TEAD1: variants seen among roughly 807,000 people sequenced by gnomAD.
The protein encoded by TEAD1 is transcriptional enhancer factor TEF-1.
A neutral mutation model predicts 54.9 loss-of-function variants in TEAD1; 9 were observed. That is an observed-to-expected ratio of 0.16 (90% CI 0.10 to 0.29). The LOEUF (loss-of-function observed/expected upper bound fraction) is 0.29, where lower values mean the gene tolerates loss of function less well. Ranked by LOEUF, TEAD1 falls within the 10% of genes least tolerant of loss-of-function variation. TEAD1 has a pLI of 1.00. For missense variants in TEAD1, 387 were observed against 535.9 expected (o/e 0.72, Z 2.74); for synonymous variants, 200 against 187.8 (o/e 1.07, Z -0.53).
intron 2 of TEAD1, among the ~76,000 whole-genome samples, chr11:12,708,870 A>G (rs565360125): frequency 3.9e-5 from 6 of 152,346 alleles, no homozygotes; most frequent in Admixed American, 2.0e-4. Context: ...CCTATTTTCA[A>G]TATATATGTG....
chr11:12,839,174 G>A (rs1256392519), intron 3 of TEAD1, among the ~76,000 whole-genome samples: 1 of 152,022 alleles, frequency 6.6e-6, no homozygotes, highest in Non-Finnish European at 1.5e-5. Context: ...ACTTTGGGAG[G>A]CAGAGGCCAG....
intron 2 of TEAD1, among the ~76,000 whole-genome samples, chr11:12,746,927 C>T (rs1467000921): frequency 1.3e-5 from 2 of 152,198 alleles, no homozygotes; most frequent in African/African-American, 4.8e-5. Context: ...CAGTGAAGAC[C>T]TCAGACTGTG....
chr11:12,884,388 C>T (rs1044279095), intron 9 of TEAD1, among the ~76,000 whole-genome samples: 2 of 152,196 alleles, frequency 1.3e-5, no homozygotes, highest in African/African-American at 2.4e-5. Flanking sequence ...TCTCATAAGT[C>T]CCATGCTGTC....
intron 9 of TEAD1, among the ~76,000 whole-genome samples, chr11:12,883,697 G>T (rs562991899): frequency 6.6e-6 from 1 of 152,248 alleles, no homozygotes; most frequent in South Asian, 2.1e-4. Flanking sequence ...ATAGCAAGTT[G>T]TTCTCTTCTT....
intron 3 of TEAD1, among the ~76,000 whole-genome samples, chr11:12,815,002 G>C (rs980051225): frequency 1.3e-5 from 2 of 152,128 alleles, no homozygotes; most frequent in Admixed American, 6.5e-5. Context: ...GGCCTGTAAT[G>C]GTTGCTGACT....
intron 12 of TEAD1, among the ~76,000 whole-genome samples, chr11:12,930,643 T>C (rs944334534): frequency 2.6e-5 from 4 of 152,166 alleles, no homozygotes; most frequent in African/African-American, 7.2e-5. Flanking sequence ...CTTTTAAACA[T>C]CCGGCTGTAT....
At chr11:12,835,030 G>C (rs1478594515) in intron 3 of TEAD1, among the ~76,000 whole-genome samples, 2 of 152,186 alleles carry the variant, frequency 1.3e-5, no homozygotes, top group Admixed American at 1.3e-4. Flanking sequence ...GCACAAGGCT[G>C]ACCATGTCTC....
At chr11:12,866,006 A>G (rs1020202313) in intron 5 of TEAD1, among the ~76,000 whole-genome samples, 1 of 152,292 alleles carries the variant, frequency 6.6e-6, no homozygotes, top group East Asian at 1.9e-4. Flanking sequence ...TTTTTTATGC[A>G]AACAAGGCTG....
chr11:12,676,984 C>A (rs1943106962), intron 2 of TEAD1, among the ~76,000 whole-genome samples: 1 of 149,758 alleles, frequency 6.7e-6, no homozygotes, highest in Non-Finnish European at 1.5e-5. Context: ...AATATTAGAA[C>A]TTTTTTTTTT....
At chr11:12,852,095 AAG>A (rs1469581074) in intron 3 of TEAD1, among the ~76,000 whole-genome samples, 1 of 152,192 alleles carries the variant, frequency 6.6e-6, no homozygotes, top group African/African-American at 2.4e-5. Context: ...AGAGAAGAGA[AAG>A]AACATGTAAG....
chr11:12,871,925 A>G (rs1179985419), intron 5 of TEAD1, among the ~76,000 whole-genome samples: 2 of 152,176 alleles, frequency 1.3e-5, no homozygotes, highest in Non-Finnish European at 2.9e-5. Context: ...AGTAGAGCAG[A>G]AAGAGACCTG....
chr11:12,843,363 G>C (rs970834469), intron 3 of TEAD1, among the ~76,000 whole-genome samples: 7 of 152,334 alleles, frequency 4.6e-5, no homozygotes, highest in African/African-American at 1.7e-4. Flanking sequence ...GAAGTGACAG[G>C]ACTTGTTCCC....
chr11:12,812,131 C>G (rs1318009768), intron 3 of TEAD1, among the ~76,000 whole-genome samples: 1 of 152,130 alleles, frequency 6.6e-6, no homozygotes, highest in African/African-American at 2.4e-5. Flanking sequence ...CTCAGAAACA[C>G]TGTCTTTATG....
At chr11:12,822,162 A>T (rs367624312) in intron 3 of TEAD1, among the ~76,000 whole-genome samples, 1 of 151,318 alleles carries the variant, frequency 6.6e-6, no homozygotes, top group Non-Finnish European at 1.5e-5. Flanking sequence ...ACAGGGTTTC[A>T]CCATGTTGGC....
At chr11:12,816,354 T>C (rs780014763) in intron 3 of TEAD1, among the ~76,000 whole-genome samples, 10 of 152,230 alleles carry the variant, frequency 6.6e-5, no homozygotes, top group Non-Finnish European at 1.0e-4. Flanking sequence ...TATACGCTCT[T>C]GTTGTCAGGA....
At chr11:12,711,428 C>G (rs1315645662) in intron 2 of TEAD1, among the ~76,000 whole-genome samples, 1 of 152,166 alleles carries the variant, frequency 6.6e-6, no homozygotes, top group East Asian at 1.9e-4. Context: ...GAGGTCAAAC[C>G]CTGGTCTTTT....
intron 2 of TEAD1, among the ~76,000 whole-genome samples, chr11:12,735,698 C>G (rs1282076620): frequency 6.6e-6 from 1 of 152,084 alleles, no homozygotes; most frequent in African/African-American, 2.4e-5. Context: ...CCCACCACCA[C>G]TCTGCTCCCC....
intron 3 of TEAD1, among the ~76,000 whole-genome samples, chr11:12,779,602 A>G (rs1322466692): frequency 2.0e-5 from 3 of 152,234 alleles, no homozygotes; most frequent in Admixed American, 6.5e-5. Flanking sequence ...TGAGAGCACT[A>G]TTACCCTGAC....
intron 5 of TEAD1, among the ~76,000 whole-genome samples, chr11:12,865,762 A>G (rs925894465): frequency 3.3e-5 from 5 of 152,068 alleles, no homozygotes; most frequent in Admixed American, 1.3e-4. Flanking sequence ...TTTTTCTGTA[A>G]TGCCCTATTT....
Sources: allele counts gnomAD v4.1 joint callset (sites outside exome capture counted in the v4.1 genomes callset), GRCh38; gene constraint gnomAD v4.1.1; transcripts MANE v1.5; gene names NCBI Gene and HGNC (gene_info 2026-07-23, HGNC 2026-07-21).